The following DDX11 variants were observed in gnomAD, a reference collection of about 807,000 sequenced individuals.
DDX11 encodes the protein ATP-dependent DNA helicase DDX11.
A neutral mutation model predicts 125.2 loss-of-function variants in DDX11; 72 were observed. That is an observed-to-expected ratio of 0.58 (90% CI 0.48 to 0.70). DDX11 has a LOEUF of 0.70. DDX11 is among the 30% of genes least tolerant of loss of function. DDX11 has a pLI of 0.00. For missense variants in DDX11, 883 were observed against 1,165.0 expected, an observed-to-expected ratio of 0.76 and a Z score of 3.52; for synonymous variants, 347 against 452.6, an observed-to-expected ratio of 0.77 and a Z score of 2.96.
chr12:31,089,350 A>G (rs1432934071), intron 7 of DDX11, 53 bp from the exon 8 acceptor site: 1 of 1,594,666 alleles, frequency 6.3e-7, no homozygotes, highest in Non-Finnish European at 8.6e-7. Context: ...TGTTGGTAGG[A>G]TGTCATTTAG....
At chr12:31,092,250 GCTC>G in intron 10 of DDX11, among the ~76,000 whole-genome samples, 1 of 152,070 alleles carries the variant, frequency 6.6e-6, no homozygotes, top group Non-Finnish European at 1.5e-5. Context: ...ATCAGCGCAG[GCTC>G]CTCCTGCTGC....
intron 1 of DDX11, among the ~76,000 whole-genome samples, chr12:31,077,640 G>A (rs1036492237): frequency 1.3e-5 from 2 of 152,040 alleles, no homozygotes; most frequent in Non-Finnish European, 2.9e-5. Flanking sequence ...GAGGTCAGGA[G>A]ATCGAGACCA....
intron 17 of DDX11, 22 bp from the exon 18 acceptor site, chr12:31,097,863 T>C: frequency 6.5e-7 from 1 of 1,537,548 alleles, no homozygotes. Context: ...TGCACTCACC[T>C]CCCACCGATC....
rs1275427843 is a variant in DDX11, at chr12:31,091,884, C to T, written c.1242+13C>T. Reference sequence around the variant, plus strand: ...CAGCGGCTCCCAGGTGTGTGGGCCTCCCCTCCCCGGGCCAGGGCCTGCTGT... The same window carrying T: ...CAGCGGCTCCCAGGTGTGTGGGCCTTCCCTCCCCGGGCCAGGGCCTGCTGT... On this transcript the variant is annotated intron_variant, in intron 10 of 26. Transcript: ENST00000542838. 34 of 1,602,252 alleles carry T rather than the reference C, an allele frequency of 2.1e-5. No homozygotes were observed. Among genetic ancestry groups the T allele is most frequent in the Non-Finnish European group, 2.9e-5 (34 of 1,172,056 alleles).
intron 9 of DDX11, among the ~76,000 whole-genome samples, chr12:31,090,455 G>A (rs1335705266): frequency 7.0e-6 from 1 of 143,458 alleles, no homozygotes; most frequent in Non-Finnish European, 1.5e-5. Flanking sequence ...CCTATGATGT[G>A]ATGGAGGATG....
In DDX11 at chr12:31,102,287, G is replaced by C; in HGVS notation, c.2247G>C (p.Leu749=). Residue 749 remains leucine (L), a synonymous_variant, in exon 22 of 27, where the codon CTG becomes CTC. Coordinates refer to ENST00000542838, the MANE Select transcript of DDX11 (RefSeq NM_030653.4). ...PKSAHQVEQV[L]LAYSRCIQAC... is the part of the protein sequence containing the mutation. Reference sequence around the variant, plus strand: ...GCGCACACCAGGTGGAGCAGGTGCTGCTGGCATATTCCAGGTGCATCCAGG... The same window carrying C: ...GCGCACACCAGGTGGAGCAGGTGCTCCTGGCATATTCCAGGTGCATCCAGG... The C allele has an allele frequency of 3.1e-6, 5 of 1,614,220 alleles. No homozygotes were observed. The highest frequency in any genetic ancestry group is 4.2e-6 in the Non-Finnish European group (5 of 1,180,016).
chr12:31,096,878 C>T lies in DDX11; in HGVS notation c.1650C>T (p.Asp550=), dbSNP rs754162876. Residue 550 remains aspartate (D), a synonymous_variant, in exon 17 of 27, where the codon GAC becomes GAT. Coordinates refer to ENST00000542838, the MANE Select transcript of DDX11 (RefSeq NM_030653.4). The part of the protein sequence containing the change: ...RTTEALAAPA[D]ESQASTLRPA... ...GTGCAGCTCTTGCAGCCCCTGCAGA[C>T]GAGAGTCAGGCCAGCACCCTGCGAC... 11 of 1,614,044 alleles carry T rather than the reference C, an allele frequency of 6.8e-6. No homozygotes were observed. The highest frequency in any genetic ancestry group is 2.2e-5 in the East Asian group (1 of 44,894).
Position 31,094,812 on chromosome 12 carries a change from A to G in DDX11, c.1472A>G (p.Asn491Ser), listed in dbSNP as rs768818530. 1.2e-5 allele frequency: 20 copies of G among 1,612,646 alleles called. No homozygotes were observed. In the South Asian group the frequency reaches 1.4e-4, roughly 12 times the overall value. ...TTCCAGAGCCAGATCGACAACATCA[A>G]CCTGTTCAAGGTAGAGGTTTCCACC... The part of the protein sequence containing the change: ...FLFQSQIDNI[N>S]LFKVQRYCEK... The change falls in exon 14 of 27, where the codon AAC becomes AGC. Residue 491 changes from asparagine (N) to serine (S), a missense_variant. Asn to Ser is a conservative substitution (Grantham distance 46, BLOSUM62 1). Coordinates refer to ENST00000542838, the MANE Select transcript of DDX11 (RefSeq NM_030653.4).
At chr12:31,086,974 T>C (rs2536771) in intron 5 of DDX11, among the ~76,000 whole-genome samples, 32,507 of 88,574 alleles carry the variant, frequency 0.37, 7,735 homozygotes, top group East Asian at 0.75. Context: ...TTGTATTCTG[T>C]TTTGTTAGAA....
chr12:31,100,534 G>A, intron 18 of DDX11, 101 bp from the exon 19 acceptor site: 2 of 1,054,804 alleles, frequency 1.9e-6, no homozygotes, highest in Non-Finnish European at 2.8e-6. Flanking sequence ...TCTTCTTTCA[G>A]TTTGTGTGTA....
chr12:31,088,078 C>A, intron 6 of DDX11, 95 bp downstream of exon 6: 1 of 1,544,786 alleles, frequency 6.5e-7, no homozygotes, highest in Non-Finnish European at 8.8e-7. Context: ...CTACTTCTCA[C>A]CCTCCTCTCC....
chr12:31,100,933 T>C, intron 19 of DDX11, 94 bp from the exon 20 acceptor site: 23 of 1,263,088 alleles, frequency 1.8e-5, no homozygotes, highest in Admixed American at 5.0e-5. Context: ...TCGCTGTTCC[T>C]GTGCTGGATG....
chr12:31,087,853 C>T, intron 5 of DDX11, 85 bp from the exon 6 acceptor site: 1 of 1,528,354 alleles, frequency 6.5e-7, no homozygotes, highest in Non-Finnish European at 8.9e-7. Flanking sequence ...GGCCAGGGCT[C>T]AGCACCAGCG....
At chr12:31,093,027 C>T in intron 11 of DDX11, 135 bp downstream of exon 11, 1 of 1,034,808 alleles carries the variant, frequency 9.7e-7, no homozygotes, top group Non-Finnish European at 1.5e-6. Flanking sequence ...CCATTCATGT[C>T]CTAGGCACAT....
intron 18 of DDX11, among the ~76,000 whole-genome samples, chr12:31,100,008 C>T (rs1356531994): frequency 1.3e-5 from 2 of 152,142 alleles, no homozygotes; most frequent in African/African-American, 4.8e-5. Flanking sequence ...CTGCGTGGTT[C>T]TCTGTTGGAC....
At chr12:31,099,155 A>G (rs1945932603) in intron 18 of DDX11, among the ~76,000 whole-genome samples, 1 of 136,432 alleles carries the variant, frequency 7.3e-6, no homozygotes, top group African/African-American at 2.9e-5. Context: ...TGACCTGATC[A>G]CGGCTCTCTG....
intron 12 of DDX11, chr12:31,093,626 A>C: frequency 2.6e-6 from 1 of 382,230 alleles, no homozygotes; most frequent in Non-Finnish European, 5.0e-6. Flanking sequence ...CTGAGACAAG[A>C]GAATTGCTTG....
At chr12:31,102,875 G>A (rs3825310) in intron 23 of DDX11, 61 bp from the exon 24 acceptor site, 15 of 1,496,000 alleles carry the variant, frequency 1.0e-5, no homozygotes, top group Middle Eastern at 1.8e-4. Flanking sequence ...AGCTGGTGAC[G>A]TGGGTGATGA....
intron 14 of DDX11, among the ~76,000 whole-genome samples, chr12:31,095,785 C>G (rs895621054): frequency 2.6e-5 from 4 of 152,190 alleles, no homozygotes; most frequent in African/African-American, 7.2e-5. Flanking sequence ...TCCTTCTCCC[C>G]TCTTCTTCCC....
Sources: allele counts gnomAD v4.1 joint callset (sites outside exome capture counted in the v4.1 genomes callset), GRCh38; gene constraint gnomAD v4.1.1; transcripts MANE v1.5; gene names NCBI Gene and HGNC (gene_info 2026-07-23, HGNC 2026-07-21).